Variants in RBFOX1 observed in about 807,000 individuals in gnomAD.
RBFOX1 encodes the protein RNA binding protein fox-1 homolog 1.
RBFOX1 carries 8 observed loss-of-function variants against 57.7 expected under a neutral mutation model. That is an observed-to-expected ratio of 0.14 (90% confidence interval 0.08 to 0.25). The LOEUF is 0.25. Among genes scored for constraint, RBFOX1 ranks in the 10% least tolerant of loss-of-function variants. RBFOX1 has a pLI of 1.00. For synonymous variants in RBFOX1, 326 were observed against 222.4 expected, an observed-to-expected ratio of 1.47 and a Z score of -4.15; for missense variants, 611 against 548.5, an observed-to-expected ratio of 1.11 and a Z score of -1.14.
intron 4 of RBFOX1, among the ~76,000 whole-genome samples, chr16:7,088,504 T>C (rs17669359): frequency 0.094 from 14,258 of 151,210 alleles, 794 homozygotes; most frequent in East Asian, 0.16. Flanking sequence ...CATGCACTTA[T>C]TCTGGCTTTC....
chr16:6,663,339 C>T (rs1046452066), intron 3 of RBFOX1, among the ~76,000 whole-genome samples: 3 of 152,180 alleles, frequency 2.0e-5, no homozygotes, highest in Non-Finnish European at 4.4e-5. Flanking sequence ...TCAACACTGA[C>T]AATGGATTGA....
At chr16:6,592,291 A>G (rs747075969) in intron 2 of RBFOX1, among the ~76,000 whole-genome samples, 1 of 152,222 alleles carries the variant, frequency 6.6e-6, no homozygotes, top group Non-Finnish European at 1.5e-5. Flanking sequence ...TATTAATTCT[A>G]AGCTTCCTCC....
chr16:7,660,843 C>T lies in RBFOX1; in HGVS notation c.891-4086C>T, dbSNP rs538225052. On this transcript the variant is annotated intron_variant, in intron 12 of 15. Transcript: ENST00000550418. ...GATTCTGCTACACATTCAAGTTTGA[C>T]CACCACTGCCTGCCATAGTACTTAA... Among the ~76,000 whole-genome samples the T allele has an allele frequency of 3.9e-5, 6 of 152,316 alleles. No homozygotes were observed. In the South Asian group the frequency reaches 1.2e-3, roughly 32 times the overall value.
At chr16:6,237,553 C>A (rs2097514720) in intron 1 of RBFOX1, among the ~76,000 whole-genome samples, 1 of 152,036 alleles carries the variant, frequency 6.6e-6, no homozygotes, top group African/African-American at 2.4e-5. Flanking sequence ...ACCAGCCTTG[C>A]CAAGATGGTG....
intron 4 of RBFOX1, among the ~76,000 whole-genome samples, chr16:7,436,942 A>G (rs1332500861): frequency 1.3e-5 from 2 of 152,184 alleles, no homozygotes; most frequent in African/African-American, 4.8e-5. Flanking sequence ...ATAGCTGGTC[A>G]TGGTGATACG....
intron 5 of RBFOX1, among the ~76,000 whole-genome samples, chr16:7,553,080 C>T (rs2087096786): frequency 6.6e-6 from 1 of 151,586 alleles, no homozygotes; most frequent in African/African-American, 2.4e-5. Context: ...TCTTTCATTC[C>T]TTCCCTCCTT....
At chr16:7,617,459 C>G (rs2058639052) in intron 10 of RBFOX1, among the ~76,000 whole-genome samples, 1 of 152,002 alleles carries the variant, frequency 6.6e-6, no homozygotes, top group Non-Finnish European at 1.5e-5. Context: ...CTGAGCTTGG[C>G]TTGAAGAGCT....
chr16:6,647,140 G>A (rs1218917626), intron 2 of RBFOX1, among the ~76,000 whole-genome samples: 1 of 152,180 alleles, frequency 6.6e-6, no homozygotes, highest in African/African-American at 2.4e-5. Context: ...TTCTCACTGG[G>A]TCCTCATTTG....
At chr16:6,723,921 G>T (rs997601771) in intron 3 of RBFOX1, 2 of 152,168 alleles carry the variant, frequency 1.3e-5, no homozygotes, top group Non-Finnish European at 2.9e-5. Context: ...GATCCATCAG[G>T]AAAATAGGAA....
chr16:7,433,859 A>G (rs2098701708), intron 4 of RBFOX1, among the ~76,000 whole-genome samples: 1 of 152,220 alleles, frequency 6.6e-6, no homozygotes, highest in Non-Finnish European at 1.5e-5. Flanking sequence ...GGAGTAAGCC[A>G]AATGACAGGG....
In RBFOX1 at chr16:6,967,322, T is replaced by A. The variant is rs183297338; in HGVS notation, c.-15-84735T>A. Among the ~76,000 whole-genome samples the A allele has an allele frequency of 1.1e-3, 174 of 152,292 alleles. 1 individual carries two copies. The highest frequency in any genetic ancestry group is 3.8e-3 in the African/African-American group (159 of 41,556). On this transcript the variant is annotated intron_variant, in intron 3 of 15. Transcript: ENST00000550418. ...ATTTATGTATGGATCTGTCTATACA[T>A]CCATCCATCTACCAGCAGTGGGGTT...
Position 6,679,011 on chromosome 16 carries a change from C to G in RBFOX1, c.-16+24361C>G, listed in dbSNP as rs186568925. On this transcript the variant is annotated intron_variant, in intron 3 of 15. Transcript: ENST00000550418. Reference sequence around the variant, plus strand: ...AAATCCATTTCATTCTTTCAGATGTCAAAGAGATCGACTCTGCGTGTTGCT... The same window carrying G: ...AAATCCATTTCATTCTTTCAGATGTGAAAGAGATCGACTCTGCGTGTTGCT... Among the ~76,000 whole-genome samples the G allele has an allele frequency of 2.0e-5, 3 of 152,196 alleles. No homozygotes were observed. In the East Asian group the frequency reaches 5.8e-4, roughly 30 times the overall value.
intron 2 of RBFOX1, among the ~76,000 whole-genome samples, chr16:6,387,560 C>T (rs2152927036): frequency 6.6e-6 from 1 of 151,470 alleles, no homozygotes; most frequent in East Asian, 1.9e-4. Flanking sequence ...TGGGATGATA[C>T]ATCTGCTTAT....
chr16:5,697,654 C>T (rs2050890211), intron 3 of RBFOX1, among the ~76,000 whole-genome samples: 1 of 151,740 alleles, frequency 6.6e-6, no homozygotes, highest in South Asian at 2.1e-4. Flanking sequence ...CTGCCTCAGC[C>T]CTCCAAGTAG....
chr16:6,177,287 G>T (rs1478995202), intron 1 of RBFOX1, among the ~76,000 whole-genome samples: 2 of 145,412 alleles, frequency 1.4e-5, no homozygotes, highest in East Asian at 2.0e-4. Flanking sequence ...TTCTTTTTCT[G>T]CCCTGTCTTG....
chr16:6,184,599 G>A (rs2097092979), intron 1 of RBFOX1, among the ~76,000 whole-genome samples: 1 of 152,140 alleles, frequency 6.6e-6, no homozygotes. Flanking sequence ...TCGCTCTTTT[G>A]CCCAGGCTGG....
intron 3 of RBFOX1, among the ~76,000 whole-genome samples, chr16:5,784,091 A>T (rs374941399): frequency 1.3e-5 from 2 of 152,132 alleles, no homozygotes; most frequent in Non-Finnish European, 1.5e-5. Context: ...GCTTCTAGGG[A>T]GGCCTCAGGA....
At chr16:6,736,093 T>C (rs914154685) in intron 3 of RBFOX1, among the ~76,000 whole-genome samples, 3 of 152,210 alleles carry the variant, frequency 2.0e-5, no homozygotes, top group African/African-American at 7.2e-5. Context: ...TTGTTCAAAT[T>C]ATTTTAGCCA....
At chr16:6,672,444 GAA>G (rs1052301041) in intron 3 of RBFOX1, among the ~76,000 whole-genome samples, 6 of 138,938 alleles carry the variant, frequency 4.3e-5, no homozygotes, top group African/African-American at 1.6e-4. Context: ...AAAAGAAAGA[GAA>G]AAGAAAGGAA....
Sources: gnomAD v4.1 joint callset for allele counts (sites outside exome capture counted in the v4.1 genomes callset) on GRCh38, gnomAD v4.1.1 for gene constraint, MANE v1.5 for transcripts, NCBI Gene and HGNC (gene_info 2026-07-23, HGNC 2026-07-21) for gene names.